POLA1: variants seen among roughly 807,000 people sequenced by gnomAD.
POLA1 encodes the protein DNA polymerase alpha catalytic subunit.
A neutral mutation model predicts 124.0 loss-of-function variants in POLA1; 15 were observed. The observed-to-expected ratio is 0.12, with a 90% CI of 0.08 to 0.19. The LOEUF is 0.19. POLA1 is among the 10% of genes least tolerant of loss of function. The probability of loss-of-function intolerance (pLI) is 1.00; values close to 1 mark genes in which losing one functional copy is unlikely to be tolerated. For synonymous variants in POLA1, 408 were observed against 389.4 expected (o/e 1.05, Z -0.56); for missense variants, 886 against 1,103.4 (o/e 0.80, Z 2.79).
At chrX:24,837,121 CT>C (rs1157461572) in intron 32 of POLA1, among the ~76,000 whole-genome samples, 1 of 111,300 alleles carries the variant, frequency 9.0e-6, no homozygotes, top group Non-Finnish European at 1.9e-5. Context: ...ATTTGGCATG[CT>C]TTTTAAGAGT....
At chrX:24,942,022 C>G (rs2047913958) in intron 36 of POLA1, among the ~76,000 whole-genome samples, 1 of 112,071 alleles carries the variant, frequency 8.9e-6, no homozygotes, top group African/African-American at 3.2e-5. Context: ...TGAACCCTTG[C>G]CCAGTTTATT....
At chrX:24,711,068 C>T (rs900421546) in intron 4 of POLA1, among the ~76,000 whole-genome samples, 6 of 111,768 alleles carry the variant, frequency 5.4e-5, no homozygotes, top group Non-Finnish European at 9.4e-5. Context: ...CTGCAACCTC[C>T]GCCTCCTGGG....
chrX:24,764,242 G>A (rs749087061), intron 26 of POLA1, among the ~76,000 whole-genome samples: 11 of 112,399 alleles, frequency 9.8e-5, no homozygotes, highest in East Asian at 2.8e-4. Flanking sequence ...ACCTTCTACC[G>A]TTCTGTCTGC....
intron 30 of POLA1, among the ~76,000 whole-genome samples, chrX:24,819,472 T>G (rs1200850497): frequency 1.8e-5 from 2 of 110,642 alleles, no homozygotes. Flanking sequence ...TTCTTTCAAG[T>G]AAAAATTATA....
chrX:24,950,851 A>G (rs1385337284), intron 36 of POLA1, among the ~76,000 whole-genome samples: 2 of 112,187 alleles, frequency 1.8e-5, no homozygotes, highest in East Asian at 5.6e-4. Context: ...AGAGTCATGT[A>G]GGAAACTTAA....
chrX:24,928,834 T>A (rs2047731643), intron 35 of POLA1, among the ~76,000 whole-genome samples: 1 of 111,711 alleles, frequency 9.0e-6, no homozygotes, highest in Non-Finnish European at 1.9e-5. Flanking sequence ...AGTATAATGA[T>A]GATGCATATT....
intron 36 of POLA1, among the ~76,000 whole-genome samples, chrX:24,948,387 C>T (rs1237642714): frequency 1.8e-5 from 2 of 109,629 alleles, no homozygotes; most frequent in African/African-American, 3.3e-5. Context: ...TGGTTACCAA[C>T]AACTACTAAA....
At chrX:24,792,517 G>A (rs1466495418) in intron 26 of POLA1, among the ~76,000 whole-genome samples, 1 of 112,397 alleles carries the variant, frequency 8.9e-6, no homozygotes, top group Non-Finnish European at 1.9e-5. Context: ...ACCTAACAGT[G>A]AGGCTTTTAT....
intron 36 of POLA1, among the ~76,000 whole-genome samples, chrX:24,958,067 G>C (rs1219121615): frequency 9.0e-6 from 1 of 110,875 alleles, no homozygotes; most frequent in Non-Finnish European, 1.9e-5. Flanking sequence ...GGGAGGTTAA[G>C]AGTAAAAATT....
chrX:24,974,281 C>T (rs943364869), intron 36 of POLA1, among the ~76,000 whole-genome samples: 25 of 111,253 alleles, frequency 2.2e-4, no homozygotes, highest in African/African-American at 7.5e-4. Flanking sequence ...CTGCTGCTGG[C>T]GTCTAGTGGG....
chrX:24,714,750 T>C (rs1250145311), intron 5 of POLA1, 81 bp downstream of exon 5: 1 of 543,575 alleles, frequency 1.8e-6, no homozygotes, highest in Non-Finnish European at 3.0e-6. Context: ...TAACAGGTGC[T>C]CTGTATATAT....
rs144848232 is a variant in POLA1 at position 24,995,938 on chromosome X, C to G, written c.4395C>G (p.Ala1465=). 11 of 1,207,006 alleles carry G rather than the reference C, an allele frequency of 9.1e-6. No individual in the cohort carries two copies. The African/African-American group carries it at 1.8e-4, about 19-fold the overall frequency. The change falls in exon 37 of 37, where the codon GCC becomes GCG. Residue 1465 remains alanine (A), a synonymous_variant. Transcript: ENST00000379068. The part of the protein sequence containing the change: ...VNLSKLFAGC[A]VKS ...TGAGCAAACTCTTCGCTGGTTGTGC[C>G]GTGAAATCCTAAGGGAATCCCAGGA...
At chrX:24,729,149 C>T (rs149978610) in intron 15 of POLA1, among the ~76,000 whole-genome samples, 2,324 of 111,926 alleles carry the variant, frequency 0.021, 25 homozygotes, top group Middle Eastern at 0.046. Flanking sequence ...TTGTAATTCT[C>T]CATCAGTTTT....
intron 36 of POLA1, among the ~76,000 whole-genome samples, chrX:24,951,297 C>T (rs1474084410): frequency 2.1e-5 from 2 of 96,019 alleles, no homozygotes; most frequent in Non-Finnish European, 4.1e-5. Context: ...TGCTCAGTAA[C>T]AGTTTGATCA....
intron 26 of POLA1, among the ~76,000 whole-genome samples, chrX:24,790,795 A>G (rs1356871208): frequency 9.2e-6 from 1 of 108,515 alleles, no homozygotes; most frequent in African/African-American, 3.3e-5. Flanking sequence ...AGAATATGCA[A>G]GTTCAGTTTA....
At chrX:24,862,781 G>T (rs2147100078) in intron 34 of POLA1, among the ~76,000 whole-genome samples, 1 of 112,086 alleles carries the variant, frequency 8.9e-6, no homozygotes, top group East Asian at 2.8e-4. Context: ...AATACAAATT[G>T]TAGCTTGATT....
intron 15 of POLA1, among the ~76,000 whole-genome samples, chrX:24,732,127 G>A (rs1602297415): frequency 9.0e-6 from 1 of 110,621 alleles, no homozygotes; most frequent in East Asian, 2.8e-4. Context: ...GCTAAGTACT[G>A]TATTTTTAGT....
At chrX:24,963,996 A>G (rs1333853770) in intron 36 of POLA1, among the ~76,000 whole-genome samples, 1 of 111,696 alleles carries the variant, frequency 9.0e-6, no homozygotes, top group African/African-American at 3.3e-5. Context: ...AATTGAGTCA[A>G]GTTTGTTCTG....
At chrX:24,781,365 G>A (rs1432640170) in intron 26 of POLA1, among the ~76,000 whole-genome samples, 2 of 111,498 alleles carry the variant, frequency 1.8e-5, no homozygotes, top group African/African-American at 6.5e-5. Context: ...ACGGTAAGAG[G>A]CTATTTTTGC....
Sources: allele counts gnomAD v4.1 joint callset (sites outside exome capture counted in the v4.1 genomes callset), GRCh38; gene constraint gnomAD v4.1.1; transcripts MANE v1.5; gene names NCBI Gene and HGNC (gene_info 2026-07-23, HGNC 2026-07-21).